Variants in CEACAM4 observed in about 807,000 individuals in gnomAD.
CEACAM4 encodes the protein cell adhesion molecule CEACAM4.
In CEACAM4, 30 loss-of-function variants were observed where a neutral mutation model predicts 28.7. That is an observed-to-expected ratio of 1.05 (90% CI 0.78 to 1.42). The LOEUF (loss-of-function observed/expected upper bound fraction) is 1.42. Among genes scored for constraint, CEACAM4 ranks in the 40% most tolerant of loss-of-function variants. CEACAM4 has a pLI of 0.00. For missense variants in CEACAM4, 330 were observed against 308.2 expected (o/e 1.07, Z -0.53); for synonymous variants, 143 against 126.5 (o/e 1.13, Z -0.87).
intron 2 of CEACAM4, among the ~76,000 whole-genome samples, chr19:41,622,490 C>T (rs1254911082): frequency 6.6e-6 from 1 of 152,148 alleles, no homozygotes; most frequent in Admixed American, 6.6e-5. Context: ...CAGGGGTCTT[C>T]CATGTGCCAG....
intron 6 of CEACAM4, 134 bp from the exon 7 acceptor site, chr19:41,619,529 G>A (rs1555800182): frequency 3.2e-6 from 5 of 1,545,594 alleles, no homozygotes; most frequent in South Asian, 1.2e-5. Flanking sequence ...CTGTTCCCAG[G>A]CCCCTCCCTC....
chr19:41,625,578 A>C (rs1404435332), intron 2 of CEACAM4, 23 bp downstream of exon 2: 4 of 1,548,418 alleles, frequency 2.6e-6, no homozygotes, highest in Non-Finnish European at 3.5e-6. Context: ...GCCAGCACCC[A>C]GAGGTATGGG....
chr19:41,625,991 T>G (rs1479500303), intron 1 of CEACAM4, 31 bp from the exon 2 acceptor site: 3 of 1,573,394 alleles, frequency 1.9e-6, no homozygotes, highest in South Asian at 2.4e-5. Context: ...CAGTCAATAC[T>G]GGGACCTATG....
chr19:41,616,688 C>T, downstream of CEACAM4, among the ~76,000 whole-genome samples: 1 of 152,154 alleles, frequency 6.6e-6, no homozygotes, highest in East Asian at 1.9e-4. Context: ...GAGATCCTCT[C>T]AAGCATCTCC....
chr19:41,626,811 C>A, intron 1 of CEACAM4, 89 bp downstream of exon 1: 1 of 1,172,848 alleles, frequency 8.5e-7, no homozygotes, highest in East Asian at 2.6e-5. Context: ...AGACCCCAGC[C>A]AGAAGCCCTC....
At chr19:41,626,008 G>C in intron 1 of CEACAM4, 48 bp from the exon 2 acceptor site, 1 of 1,554,676 alleles carries the variant, frequency 6.4e-7, no homozygotes. Context: ...TATGGAGTGG[G>C]ATGGAAAGAT....
At chr19:41,621,578 A>T (rs1357821436) in intron 3 of CEACAM4, 73 bp downstream of exon 3, 2 of 772,384 alleles carry the variant, frequency 2.6e-6, no homozygotes, top group Non-Finnish European at 4.5e-6. Context: ...CCCTGAATAC[A>T]GGGCGGGGTC....
chr19:41,623,917 G>C (rs929128866), intron 2 of CEACAM4, among the ~76,000 whole-genome samples: 1 of 152,076 alleles, frequency 6.6e-6, no homozygotes, highest in African/African-American at 2.4e-5. Context: ...GGGACTACCC[G>C]CAAGCCTGAT....
downstream of CEACAM4, among the ~76,000 whole-genome samples, chr19:41,618,382 C>T (rs992501884): frequency 6.6e-6 from 1 of 152,088 alleles, no homozygotes; most frequent in Admixed American, 6.5e-5. Flanking sequence ...GGGTAGTGCT[C>T]AAGGACTGAA....
downstream of CEACAM4, among the ~76,000 whole-genome samples, chr19:41,617,945 C>T (rs573897607): frequency 5.6e-5 from 8 of 144,094 alleles, no homozygotes; most frequent in African/African-American, 1.8e-4. Context: ...ATGCAAATCC[C>T]GATATAAAAC....
chr19:41,625,644 G>T lies in CEACAM4; in HGVS notation c.381C>A (p.Ala127=). The T allele has an allele frequency of 6.3e-7, 1 of 1,599,794 alleles. No individual in the cohort carries two copies. ...AGSYTLRTIN[A]SYDSDQATGQ... is the part of the protein sequence containing the mutation. ...CAGTTGCTTGGTCAGAGTCGTAACT[G>T]GCATTTATGGTTCGTAGGGTGTAGG... Residue 127 remains alanine, a synonymous_variant, in exon 2 of 7, where the codon GCC becomes GCA. Transcript: ENST00000221954.
intron 2 of CEACAM4, among the ~76,000 whole-genome samples, chr19:41,624,606 G>A (rs2071518767): frequency 6.6e-6 from 1 of 152,220 alleles, no homozygotes; most frequent in South Asian, 2.1e-4. Flanking sequence ...GCTGTTCTGA[G>A]GTCCACAGAC....
chr19:41,614,959 G>A (rs1555798643), downstream of CEACAM4, among the ~76,000 whole-genome samples: 1 of 150,708 alleles, frequency 6.6e-6, no homozygotes, highest in East Asian at 2.0e-4. Context: ...GGAGGGGAAG[G>A]GGGAGGGGAA....
intron 5 of CEACAM4, 37 bp downstream of exon 5, chr19:41,620,174 C>A (rs2071179541): frequency 6.7e-7 from 1 of 1,487,942 alleles, no homozygotes; most frequent in East Asian, 2.6e-5. Flanking sequence ...ACTGTTGGGA[C>A]CCCAGTAGAA....
At chr19:41,623,928 C>T (rs1274064047) in intron 2 of CEACAM4, among the ~76,000 whole-genome samples, 1 of 152,120 alleles carries the variant, frequency 6.6e-6, no homozygotes, top group Non-Finnish European at 1.5e-5. Context: ...CAAGCCTGAT[C>T]CCTCCCCTGA....
downstream of CEACAM4, among the ~76,000 whole-genome samples, chr19:41,617,100 T>A (rs2070994846): frequency 6.6e-6 from 1 of 152,224 alleles, no homozygotes; most frequent in African/African-American, 2.4e-5. Context: ...TGCAGTTCCC[T>A]CCTATCTGCA....
rs374493051 is a variant in CEACAM4, at chr19:41,626,178, T to C, written c.65-218A>G. On this transcript the variant is annotated intron_variant, in intron 1 of 6. Coordinates refer to ENST00000221954, the MANE Select transcript of CEACAM4 (RefSeq NM_001817.4). ...CCTTCAACAGCTTGGACCTTGGCAT[T>C]TCCCTGGTGGAATCTTCTTCCCCAG... Among the ~76,000 whole-genome samples the C allele has an allele frequency of 4.2e-4, 63 of 149,910 alleles. No homozygotes were observed. The South Asian group carries it at 0.013, about 30-fold the overall frequency.
chr19:41,624,693 C>T (rs782382347), intron 2 of CEACAM4, among the ~76,000 whole-genome samples: 13 of 152,164 alleles, frequency 8.5e-5, no homozygotes, highest in East Asian at 1.9e-4. Context: ...CTGCCAGCTG[C>T]GATCTGCCCA....
downstream of CEACAM4, among the ~76,000 whole-genome samples, chr19:41,617,348 C>A (rs141414336): frequency 6.6e-6 from 1 of 152,156 alleles, no homozygotes; most frequent in African/African-American, 2.4e-5. Flanking sequence ...CAGGAACTGA[C>A]GCCACAGTCA....
Sources: gnomAD v4.1 joint callset for allele counts (sites outside exome capture counted in the v4.1 genomes callset) on GRCh38, gnomAD v4.1.1 for gene constraint, MANE v1.5 for transcripts, NCBI Gene and HGNC (gene_info 2026-07-23, HGNC 2026-07-21) for gene names.